C16orf46: variants seen among roughly 807,000 people sequenced by gnomAD.
C16orf46 encodes the protein chromosome 16 open reading frame 46.
A neutral mutation model predicts 5.5 loss-of-function variants in C16orf46; 7 were observed. That is an observed-to-expected ratio of 1.28 (90% CI 0.73 to 2.40). C16orf46 has a LOEUF of 2.40. Ranked by LOEUF, C16orf46 falls within the 30% of genes most tolerant of loss-of-function variation. The probability of loss-of-function intolerance (pLI) is 0.00; values close to 1 mark genes in which losing one functional copy is unlikely to be tolerated. For missense variants in C16orf46, 614 were observed against 476.0 expected, an observed-to-expected ratio of 1.29 and a Z score of -2.70; for synonymous variants, 200 against 184.1, an observed-to-expected ratio of 1.09 and a Z score of -0.70.
intron 3 of C16orf46, chr16:81,055,868 C>G (rs1240566723): frequency 6.6e-6 from 1 of 152,158 alleles, no homozygotes; most frequent in Non-Finnish European, 1.5e-5. Context: ...TAGGCATGTG[C>G]CACCATAACT....
At chr16:81,067,358 T>C (rs1971683046) in intron 1 of C16orf46, among the ~76,000 whole-genome samples, 1 of 152,130 alleles carries the variant, frequency 6.6e-6, no homozygotes, top group South Asian at 2.1e-4. Flanking sequence ...TTGTTGTAGA[T>C]GGGTATGAGG....
At position 81,061,198 on chromosome 16, in the gene C16orf46, C is replaced by G; in HGVS notation, c.1151G>C (p.Arg384Thr). Residue 384 changes from arginine to threonine, a missense_variant, in exon 4 of 4, where the codon AGA becomes ACA. Physicochemically the swap from Arg to Thr is moderately conservative, Grantham distance 71. Coordinates refer to ENST00000299578, the MANE Select transcript of C16orf46 (RefSeq NM_152337.3). ...RPVLPSLTVS[R>T]VIIPVSTHRI... ...GTGGGTAGAGACAGGAATGATAACT[C>G]TGCTCACTGTGAGAGACGGCAAGAC... 1.2e-6 allele frequency: 2 copies of G among 1,613,596 alleles called. No individual in the cohort carries two copies. Among genetic ancestry groups the G allele is most frequent in the Non-Finnish European group, 1.7e-6 (2 of 1,179,688 alleles).
In C16orf46 at chr16:81,054,520, G is replaced by GAT. The variant is rs368793022; in HGVS notation, c.1144-428_1144-427dup. Among the ~76,000 whole-genome samples, 316 of 151,448 alleles carry GAT rather than the reference G, an allele frequency of 2.1e-3. 1 individual carries two copies. Among genetic ancestry groups the GAT allele is most frequent in the African/African-American group, 6.7e-3 (275 of 41,270 alleles). On this transcript the variant is annotated intron_variant, in intron 3 of 3. Transcript: ENST00000378611. ...TTTTCTGCACCTTTTTTGGTAACGT[G>GAT]ATATATATATATGTATATACATGTT...
In C16orf46 at chr16:81,063,804, G is replaced by A. The variant is rs200805640; in HGVS notation, c.152C>T (p.Thr51Met). The A allele has an allele frequency of 1.2e-5, 20 of 1,613,850 alleles. No homozygotes were observed. Among genetic ancestry groups the A allele is most frequent in the East Asian group, 4.5e-5 (2 of 44,872 alleles). Residue 51 changes from threonine (T) to methionine (M), a missense_variant, in exon 3 of 4, where the codon ACG (threonine) becomes ATG (methionine). Physicochemically the swap from Thr to Met is moderately conservative, Grantham distance 81 (BLOSUM62 -1). Transcript: ENST00000299578. ...VYCLLDVSDI[T>M]LEQDEKAKEF... ...TTTGGCTTTTTCATCTTGTTCAAGCGTAATGTCACTGACATCGAGAAGACA... is the reference window on the plus strand; with the variant it reads ...TTTGGCTTTTTCATCTTGTTCAAGCATAATGTCACTGACATCGAGAAGACA...
At chr16:81,068,685 C>T (rs1263320915) in intron 1 of C16orf46, among the ~76,000 whole-genome samples, 1 of 150,276 alleles carries the variant, frequency 6.7e-6, no homozygotes, top group African/African-American at 2.4e-5. Flanking sequence ...CAGGCATGAG[C>T]CCAGCCTTTC....
chr16:81,062,045 A>C lies in C16orf46; in HGVS notation c.304T>G (p.Cys102Gly). The C allele has an allele frequency of 6.2e-7, 1 of 1,613,528 alleles. No homozygotes were observed. Among genetic ancestry groups the C allele is most frequent in the Non-Finnish European group, 8.5e-7 (1 of 1,180,012 alleles). ...TGGGAGAGGTTAACACACACCAAGC[A>C]GTCGCTGCAGGCACCTTCCCCTACC... ...ARVGEGACSD[C>G]LVCVNLSHWS... The change falls in exon 4 of 4, where the codon TGC (cysteine) becomes GGC (glycine). Residue 102 changes from cysteine (C) to glycine (G), a missense_variant. By Grantham distance (159) the Cys-to-Gly change is radical. Transcript: ENST00000299578.
intron 1 of C16orf46, among the ~76,000 whole-genome samples, chr16:81,069,693 G>A (rs980846761): frequency 6.6e-6 from 1 of 152,188 alleles, no homozygotes; most frequent in Non-Finnish European, 1.5e-5. Flanking sequence ...CATATCTACT[G>A]TGAATGTCAC....
Position 81,061,433 on chromosome 16 carries a change from C to T in C16orf46, c.916G>A (p.Glu306Lys), listed in dbSNP as rs907989539. Reference sequence around the variant, plus strand: ...TCTGGAGGGCACGCCAGGTTTTTCTCAGACAGGAGGGACCAATGCAGGCAG... The same window carrying T: ...TCTGGAGGGCACGCCAGGTTTTTCTTAGACAGGAGGGACCAATGCAGGCAG... ...QRCLHWSLLSEKNLACPPDPS... is the reference protein window; with the variant it reads ...QRCLHWSLLSKKNLACPPDPS... The change falls in exon 4 of 4, where the codon GAG becomes AAG. Residue 306 changes from glutamate (E) to lysine (K), a missense_variant. Glu to Lys is a moderately conservative substitution (Grantham distance 56). Coordinates refer to ENST00000299578, the MANE Select transcript of C16orf46 (RefSeq NM_152337.3). 1 of 1,614,152 alleles carries T rather than the reference C, an allele frequency of 6.2e-7. No homozygotes were observed. Among genetic ancestry groups the T allele is most frequent in the African/African-American group, 1.3e-5 (1 of 75,034 alleles).
intron 1 of C16orf46, among the ~76,000 whole-genome samples, chr16:81,071,237 C>G (rs1490662199): frequency 1.3e-5 from 2 of 152,170 alleles, no homozygotes; most frequent in Admixed American, 6.5e-5. Context: ...AATGCCAAAG[C>G]TCTACTCCCA....
intron 1 of C16orf46, among the ~76,000 whole-genome samples, chr16:81,070,530 C>T (rs547519595): frequency 1.3e-5 from 2 of 152,134 alleles, no homozygotes; most frequent in African/African-American, 4.8e-5. Flanking sequence ...CAAAGGCACA[C>T]AAATAATTAA....
chr16:81,055,373 C>G (rs1413197663), intron 3 of C16orf46: 1 of 152,136 alleles, frequency 6.6e-6, no homozygotes, highest in Non-Finnish European at 1.5e-5. Context: ...ATTACATTTT[C>G]AAGCTAGCTC....
rs1971485873 is a variant in C16orf46, at chr16:81,061,756, GA to G, written c.592del (p.Ser198ProfsTer6). 6.2e-7 allele frequency: 1 copy of G among 1,613,686 alleles called. No individual in the cohort carries two copies. The highest frequency in any genetic ancestry group is 1.7e-5 in the Admixed American group (1 of 59,992). ...CCTGGAAGTCAGGGGGCCTGGGATG[GA>G]CAGCCCTCTGTGGGCCCCTCCACTG... ...NPSGGAHRGL[S>X]IPGPLTSRAL... On this transcript the variant is annotated frameshift_variant, in exon 4 of 4. Transcript: ENST00000299578. LOFTEE classifies it low-confidence loss of function (END_TRUNC).
In C16orf46 at chr16:81,066,593, T is replaced by C. The variant is rs371613788; in HGVS notation, c.-127-312A>G. 2.2e-3 allele frequency among the ~76,000 whole-genome samples: 332 copies of C among 152,298 alleles called. 1 individual carries two copies. Among genetic ancestry groups the C allele is most frequent in the African/African-American group, 7.3e-3 (305 of 41,558 alleles). On this transcript the variant is annotated intron_variant, in intron 1 of 3. Coordinates refer to ENST00000299578, the MANE Select transcript of C16orf46 (RefSeq NM_152337.3). ...ACACACAGTAATGGCCAAGAATCAA[T>C]AGATCAAAGAAAAGAGTGGATATGT...
At chr16:81,054,314 C>G (rs1261389265) in intron 3 of C16orf46, among the ~76,000 whole-genome samples, 4 of 150,584 alleles carry the variant, frequency 2.7e-5, no homozygotes, top group African/African-American at 9.7e-5. Context: ...AAACTTTTTT[C>G]TTTTTAAAAC....
Position 81,062,066 on chromosome 16 carries a change from C to T in C16orf46, c.283G>A (p.Gly95Arg), listed in dbSNP as rs1171689336. The T allele has an allele frequency of 6.2e-7, 1 of 1,612,010 alleles. No homozygotes were observed. The highest frequency in any genetic ancestry group is 8.5e-7 in the Non-Finnish European group (1 of 1,179,958). Residue 95 changes from glycine to arginine, a missense_variant, in exon 4 of 4, where the codon GGG becomes AGG. Transcript: ENST00000299578. The stretch of plus-strand genomic sequence containing the variant: ...AAGCAGTCGCTGCAGGCACCTTCCC[C>T]TACCCTCGCCTTTTTTGGTATCTTC... ...PRKIPKKARV[G>R]EGACSDCLVC...
rs1971494881 is a variant in C16orf46 at position 81,061,938 on chromosome 16, G to C, written c.411C>G (p.Pro137=). The stretch of plus-strand genomic sequence containing the variant: ...CCCTGGAAGCAGTGCTGGGGCCCTG[G>C]GGGGCTGCCTGAGTCTGGGAGGGGC... ...QSSPSQTQAA[P]QGPSTASRAI... is the part of the protein sequence containing the mutation. The change falls in exon 4 of 4, where the codon CCC becomes CCG. Residue 137 remains proline, a synonymous_variant. Coordinates refer to ENST00000299578, the MANE Select transcript of C16orf46 (RefSeq NM_152337.3). The C allele has an allele frequency of 1.9e-6, 3 of 1,614,034 alleles. No homozygotes were observed. Among genetic ancestry groups the C allele is most frequent in the South Asian group, 2.2e-5 (2 of 91,088 alleles).
At position 81,063,858 on chromosome 16, in the gene C16orf46, T is replaced by C. The variant is rs1157428611; in HGVS notation, c.98A>G (p.Asp33Gly). ...EETEPTYTCP[D>G]GKSEKNHVYC... is the part of the protein sequence containing the mutation. The stretch of plus-strand genomic sequence containing the variant: ...AACATGATTTTTTTCACTTTTTCCA[T>C]CTGGACAAGTATAGGTTGGTTCTGT... The change falls in exon 3 of 4, where the codon GAT (aspartate) becomes GGT (glycine). Residue 33 changes from aspartate (D) to glycine (G), a missense_variant. Asp to Gly is a moderately conservative substitution (Grantham distance 94, BLOSUM62 -1). Transcript: ENST00000299578. 1.2e-6 allele frequency: 2 copies of C among 1,613,572 alleles called. No individual in the cohort carries two copies. Among genetic ancestry groups the C allele is most frequent in the African/African-American group, 2.7e-5 (2 of 74,890 alleles).
At chr16:81,054,916 G>C (rs1479166681) in intron 3 of C16orf46, among the ~76,000 whole-genome samples, 2 of 152,156 alleles carry the variant, frequency 1.3e-5, no homozygotes, top group Non-Finnish European at 2.9e-5. Flanking sequence ...CCAATGTGCT[G>C]GGATTACAGG....
intron 2 of C16orf46, among the ~76,000 whole-genome samples, chr16:81,064,566 G>A (rs910957142): frequency 2.0e-5 from 3 of 151,808 alleles, no homozygotes; most frequent in Admixed American, 2.0e-4. Context: ...TGGCCAACAT[G>A]GCGAAACCCC....
Sources: allele counts gnomAD v4.1 joint callset (sites outside exome capture counted in the v4.1 genomes callset), GRCh38; gene constraint gnomAD v4.1.1; transcripts MANE v1.5; gene names NCBI Gene and HGNC (gene_info 2026-07-23, HGNC 2026-07-21).